The following ANKS1B variants were observed in gnomAD, a reference collection of about 807,000 sequenced individuals.
ANKS1B encodes ankyrin repeat and sterile alpha motif domain containing 1B, also known as ankyrin repeat and sterile alpha motif domain-containing protein 1B.
ANKS1B carries 36 observed loss-of-function variants against 148.3 expected under a neutral mutation model. The ratio of observed to expected loss-of-function variants is 0.24; its 90% CI spans 0.19 to 0.32. The LOEUF (loss-of-function observed/expected upper bound fraction) is 0.32. Ranked by LOEUF, ANKS1B falls within the 10% of genes least tolerant of loss-of-function variation. The pLI is 1.00. For missense variants in ANKS1B, 1,157 were observed against 1,542.6 expected (o/e 0.75, Z 4.19); for synonymous variants, 542 against 560.8 (o/e 0.97, Z 0.47).
At chr12:99,526,105 A>G (rs1353200415) in intron 9 of ANKS1B, among the ~76,000 whole-genome samples, 1 of 152,194 alleles carries the variant, frequency 6.6e-6, no homozygotes, top group Non-Finnish European at 1.5e-5. Context: ...TGAAAGCAAG[A>G]TAACACACCA....
chr12:99,632,730 T>TAC (rs2098176474), intron 9 of ANKS1B, among the ~76,000 whole-genome samples: 2 of 22,966 alleles, frequency 8.7e-5, no homozygotes, highest in African/African-American at 2.7e-4. Flanking sequence ...TTTCTTTCTA[T>TAC]ATATATATAT....
intron 12 of ANKS1B, among the ~76,000 whole-genome samples, chr12:99,293,672 T>G (rs985632695): frequency 2.0e-5 from 3 of 151,974 alleles, no homozygotes; most frequent in Admixed American, 1.3e-4. Flanking sequence ...AATGGACAAA[T>G]GGGATCACAT....
At chr12:99,281,013 A>G (rs544741279) in intron 12 of ANKS1B, among the ~76,000 whole-genome samples, 44 of 152,098 alleles carry the variant, frequency 2.9e-4, no homozygotes, top group African/African-American at 8.4e-4. Context: ...AGCCTAAACC[A>G]TAACCCCTTC....
chr12:99,356,014 A>T (rs2091939281), intron 12 of ANKS1B, among the ~76,000 whole-genome samples: 1 of 152,126 alleles, frequency 6.6e-6, no homozygotes, highest in African/African-American at 2.4e-5. Context: ...GAACAGGAAA[A>T]GTTTAATGTA....
chr12:99,066,320 CAAAA>C (rs1354561629), intron 16 of ANKS1B, among the ~76,000 whole-genome samples: 1 of 151,758 alleles, frequency 6.6e-6, no homozygotes, highest in Non-Finnish European at 1.5e-5. Flanking sequence ...AACTCTGTCT[CAAAA>C]AATAAAAAAG....
At chr12:99,397,247 G>T (rs1443422734) in intron 12 of ANKS1B, among the ~76,000 whole-genome samples, 1 of 152,086 alleles carries the variant, frequency 6.6e-6, no homozygotes, top group Non-Finnish European at 1.5e-5. Context: ...CACTTTACAT[G>T]CATCACCACA....
chr12:99,258,924 G>A (rs1457865347), intron 12 of ANKS1B, among the ~76,000 whole-genome samples: 1 of 152,152 alleles, frequency 6.6e-6, no homozygotes, highest in Non-Finnish European at 1.5e-5. Context: ...TACTAGGTAA[G>A]GGGAACCACC....
chr12:98,942,072 C>A (rs1162938006), intron 17 of ANKS1B, among the ~76,000 whole-genome samples: 1 of 152,066 alleles, frequency 6.6e-6, no homozygotes, highest in Non-Finnish European at 1.5e-5. Flanking sequence ...GAAACCTCAC[C>A]TCTATCAAAA....
At chr12:99,127,827 T>G (rs539396553) in intron 15 of ANKS1B, among the ~76,000 whole-genome samples, 2 of 152,262 alleles carry the variant, frequency 1.3e-5, no homozygotes, top group Non-Finnish European at 2.9e-5. Flanking sequence ...TGATTGCATC[T>G]GCCATTTGCC....
Position 99,476,538 on chromosome 12 carries a change from G to T in ANKS1B, c.1438+27938C>A, listed in dbSNP as rs549607895. Among the ~76,000 whole-genome samples the T allele has an allele frequency of 3.9e-5, 6 of 152,006 alleles. No homozygotes were observed. The East Asian group carries it at 1.2e-3, about 29-fold the overall frequency. ...AAAGTGATAAAATAGTATAAAATTG[G>T]GCAATTTATATGAATAGCAATTCAG... On this transcript the variant is annotated intron_variant, in intron 10 of 26. Coordinates refer to ENST00000683438, the MANE Select transcript of ANKS1B (RefSeq NM_001352186.2).
chr12:99,299,599 T>G (rs1298422515), intron 12 of ANKS1B, among the ~76,000 whole-genome samples: 4 of 152,190 alleles, frequency 2.6e-5, no homozygotes, highest in Admixed American at 6.5e-5. Flanking sequence ...AATGTGTTTG[T>G]GGTTGCTGTT....
intron 9 of ANKS1B, among the ~76,000 whole-genome samples, chr12:99,551,541 AGGG>A (rs1567331951): frequency 3.8e-4 from 1 of 2,610 alleles, no homozygotes; most frequent in Non-Finnish European, 7.8e-4. Flanking sequence ...AGGGGAGGGG[AGGG>A]GAGGGGAGGG....
intron 12 of ANKS1B, among the ~76,000 whole-genome samples, chr12:99,389,202 C>G (rs988460704): frequency 4.6e-5 from 7 of 152,188 alleles, no homozygotes; most frequent in Non-Finnish European, 7.3e-5. Context: ...ATGTCTGGAA[C>G]AAGTTCTGTT....
intron 17 of ANKS1B, among the ~76,000 whole-genome samples, chr12:98,896,280 C>T (rs925996504): frequency 6.6e-6 from 1 of 152,170 alleles, no homozygotes; most frequent in Non-Finnish European, 1.5e-5. Flanking sequence ...AAGATTTTGA[C>T]CAACTGCAAC....
At chr12:99,448,288 C>T (rs370775501) in intron 10 of ANKS1B, among the ~76,000 whole-genome samples, 7 of 151,930 alleles carry the variant, frequency 4.6e-5, no homozygotes, top group East Asian at 1.9e-4. Context: ...AAGGGAATTC[C>T]GTTATCAGTA....
At chr12:99,740,973 A>C (rs7306969) in intron 8 of ANKS1B, among the ~76,000 whole-genome samples, 66,377 of 151,876 alleles carry the variant, frequency 0.44, 14,919 homozygotes, top group South Asian at 0.61. Flanking sequence ...AGTAGGTGGC[A>C]ATTTGGGCAG....
At chr12:98,937,323 G>C (rs759520741) in intron 17 of ANKS1B, among the ~76,000 whole-genome samples, 7 of 152,016 alleles carry the variant, frequency 4.6e-5, no homozygotes, top group Admixed American at 2.6e-4. Flanking sequence ...ATTAATAGGG[G>C]TAGGTGATAA....
intron 8 of ANKS1B, among the ~76,000 whole-genome samples, chr12:99,682,212 A>C (rs1339810878): frequency 6.6e-6 from 1 of 152,238 alleles, no homozygotes; most frequent in Non-Finnish European, 1.5e-5. Flanking sequence ...CAAGTTAGAA[A>C]GTCAACAAAG....
intron 12 of ANKS1B, among the ~76,000 whole-genome samples, chr12:99,325,660 C>T (rs2086170913): frequency 1.3e-5 from 2 of 152,106 alleles, no homozygotes; most frequent in African/African-American, 4.8e-5. Context: ...CCCAGATCAG[C>T]TGCAGACAAA....
Sources: gnomAD v4.1 joint callset for allele counts (sites outside exome capture counted in the v4.1 genomes callset) on GRCh38, gnomAD v4.1.1 for gene constraint, MANE v1.5 for transcripts, NCBI Gene and HGNC (gene_info 2026-07-23, HGNC 2026-07-21) for gene names.